The following NEXN variants were observed in gnomAD, a reference collection of about 807,000 sequenced individuals.
NEXN encodes the protein nexilin F-actin binding protein.
NEXN carries 65 observed loss-of-function variants against 92.6 expected under a neutral mutation model. That is an observed-to-expected ratio of 0.70 (90% CI 0.57 to 0.86). The LOEUF (loss-of-function observed/expected upper bound fraction) is 0.86, where lower values mean the gene tolerates loss of function less well. Ranked by LOEUF, NEXN falls within the 40% of genes least tolerant of loss-of-function variation. NEXN has a pLI of 0.00. For missense variants in NEXN, 778 were observed against 771.1 expected (o/e 1.01, Z -0.11); for synonymous variants, 254 against 242.5 (o/e 1.05, Z -0.44).
At chr1:77,918,485 C>A (rs1649165506) in intron 5 of NEXN, among the ~76,000 whole-genome samples, 1 of 151,872 alleles carries the variant, frequency 6.6e-6, no homozygotes, top group Non-Finnish European at 1.5e-5. Context: ...GGCAACATGG[C>A]AAAATCCTGT....
chr1:77,899,926 G>A (rs1647561601), intron 1 of NEXN, among the ~76,000 whole-genome samples: 1 of 151,936 alleles, frequency 6.6e-6, no homozygotes, highest in Non-Finnish European at 1.5e-5. Context: ...CATTGTACTT[G>A]TCCTCCTTCC....
At chr1:77,890,890 T>C (rs1265566573) in intron 1 of NEXN, among the ~76,000 whole-genome samples, 1 of 152,164 alleles carries the variant, frequency 6.6e-6, no homozygotes, top group South Asian at 2.1e-4. Context: ...TTTATAGTTA[T>C]GTAGGCCACA....
chr1:77,911,552 A>G (rs1021255810), intron 1 of NEXN, among the ~76,000 whole-genome samples: 2 of 151,946 alleles, frequency 1.3e-5, no homozygotes, highest in African/African-American at 4.8e-5. Context: ...AGATTGCACC[A>G]TTGCACTCCA....
At chr1:77,935,494 G>A (rs1175186318) in intron 10 of NEXN, among the ~76,000 whole-genome samples, 2 of 152,232 alleles carry the variant, frequency 1.3e-5, no homozygotes, top group African/African-American at 4.8e-5. Context: ...AGCATTTTAA[G>A]TAGAATGTTT....
Position 77,926,993 on chromosome 1 carries a change from G to A in NEXN, c.864+101G>A, listed in dbSNP as rs542966591. 4.5e-5 allele frequency: 64 copies of A among 1,422,246 alleles called. No individual in the cohort carries two copies. The African/African-American group carries it at 6.3e-4, about 14-fold the overall frequency. The allele number at this position is 1,422,246 out of a possible 1,614,324, so 88.1% of individuals were successfully genotyped here. On this transcript the variant is annotated intron_variant, in intron 8 of 12. Transcript: ENST00000334785. ...ATTCAAAGAGATTTTACATATAGAA[G>A]GGCTGATTTTCTAATTGTATTCATA...
chr1:77,931,524 C>T (rs1650310316), intron 9 of NEXN: 1 of 151,364 alleles, frequency 6.6e-6, no homozygotes, highest in South Asian at 2.1e-4. Flanking sequence ...GCCTTTTTAC[C>T]ATGATTCACT....
chr1:77,918,775 A>T (rs1282471457), intron 5 of NEXN, among the ~76,000 whole-genome samples: 2 of 152,146 alleles, frequency 1.3e-5, no homozygotes, highest in Non-Finnish European at 2.9e-5. Context: ...TTTAAGGTAG[A>T]ATAGTGAGAT....
At chr1:77,934,625 C>A (rs773224349) in intron 10 of NEXN, among the ~76,000 whole-genome samples, 9 of 152,240 alleles carry the variant, frequency 5.9e-5, no homozygotes, top group Non-Finnish European at 1.0e-4. Context: ...GCCTAACCTT[C>A]TTCCCTCTTC....
At chr1:77,942,360 GTTCTT>G in intron 12 of NEXN, 96 bp from the exon 13 acceptor site, 1 of 1,407,280 alleles carries the variant, frequency 7.1e-7, no homozygotes, top group East Asian at 2.3e-5. Flanking sequence ...ACACTTGTAT[GTTCTT>G]TACTTAAAAA....
chr1:77,904,585 GA>G (rs1241390075), intron 1 of NEXN, among the ~76,000 whole-genome samples: 1 of 152,130 alleles, frequency 6.6e-6, no homozygotes. Context: ...TAATTTAATT[GA>G]ACAAGATACT....
intron 5 of NEXN, among the ~76,000 whole-genome samples, chr1:77,924,057 T>C (rs1649653417): frequency 6.6e-6 from 1 of 151,998 alleles, no homozygotes; most frequent in African/African-American, 2.4e-5. Context: ...AGAATTATTT[T>C]CCCTTCTAAA....
intron 1 of NEXN, among the ~76,000 whole-genome samples, chr1:77,898,589 A>T (rs1452758319): frequency 2.0e-5 from 3 of 152,270 alleles, no homozygotes; most frequent in Non-Finnish European, 4.4e-5. Context: ...ACCATTCAGG[A>T]CACAGGCATG....
intron 1 of NEXN, among the ~76,000 whole-genome samples, chr1:77,911,821 G>A (rs1365111480): frequency 6.6e-6 from 1 of 151,106 alleles, no homozygotes. Flanking sequence ...GGTGGCTCAT[G>A]CTTGTAATCC....
chr1:77,910,906 T>C (rs1571097992), intron 1 of NEXN, among the ~76,000 whole-genome samples: 1 of 152,090 alleles, frequency 6.6e-6, no homozygotes, highest in Admixed American at 6.6e-5. Context: ...GATATGATCA[T>C]AGCTTACAGT....
rs1441395532 is a variant in NEXN at position 77,942,611 on chromosome 1, A to G, written c.1810A>G (p.Lys604Glu). 1.2e-6 allele frequency: 2 copies of G among 1,613,894 alleles called. No homozygotes were observed. The highest frequency in any genetic ancestry group is 1.7e-5 in the Admixed American group (1 of 60,000). ...CAGTGAGCCAGTCAGATTTACGGTT[A>G]AAGTAACAGGAGAACCCAAACCAGA... ...VDSEPVRFTV[K>E]VTGEPKPEIT... The change falls in exon 13 of 13, where the codon AAA becomes GAA. Residue 604 changes from lysine (K) to glutamate (E), a missense_variant. Lys to Glu is a moderately conservative substitution (Grantham distance 56). Coordinates refer to ENST00000334785, the MANE Select transcript of NEXN (RefSeq NM_144573.4).
intron 5 of NEXN, among the ~76,000 whole-genome samples, chr1:77,924,663 TTTTC>T (rs1649712053): frequency 3.5e-5 from 1 of 28,658 alleles, no homozygotes; most frequent in Non-Finnish European, 9.7e-5. Context: ...TTCTGTTTTT[TTTTC>T]TTTTTTTCTT....
intron 10 of NEXN, among the ~76,000 whole-genome samples, chr1:77,935,152 C>G (rs563715507): frequency 1.3e-5 from 2 of 152,316 alleles, no homozygotes; most frequent in East Asian, 3.9e-4. Flanking sequence ...CAACCTCCAC[C>G]TCAGCCTCCC....
In NEXN at chr1:77,927,517, A is replaced by G. The variant is rs572711101; in HGVS notation, c.864+625A>G. Among the ~76,000 whole-genome samples, 11 of 152,212 alleles carry G rather than the reference A, an allele frequency of 7.2e-5. No homozygotes were observed. The South Asian group carries it at 1.9e-3, about 26-fold the overall frequency. On this transcript the variant is annotated intron_variant, in intron 8 of 12. Coordinates refer to ENST00000334785, the MANE Select transcript of NEXN (RefSeq NM_144573.4). Reference sequence around the variant, plus strand: ...TTTTCAACTGTTTGAACATATCAAAATAACAGTTTACGGTGGAATATGCAG... The same window carrying G: ...TTTTCAACTGTTTGAACATATCAAAGTAACAGTTTACGGTGGAATATGCAG...
chr1:77,932,584 A>G (rs1261691671), intron 9 of NEXN, among the ~76,000 whole-genome samples: 1 of 152,196 alleles, frequency 6.6e-6, no homozygotes, highest in Non-Finnish European at 1.5e-5. Context: ...TGATTAACTT[A>G]AATGCTTTAA....
Sources: gnomAD v4.1 joint callset for allele counts (sites outside exome capture counted in the v4.1 genomes callset) on GRCh38, gnomAD v4.1.1 for gene constraint, MANE v1.5 for transcripts, NCBI Gene and HGNC (gene_info 2026-07-23, HGNC 2026-07-21) for gene names.